The following CNTNAP4 variants were observed in gnomAD, a reference collection of about 807,000 sequenced individuals.
The protein encoded by CNTNAP4 is contactin-associated protein-like 4.
CNTNAP4 carries 98 observed loss-of-function variants against 148.4 expected under a neutral mutation model. That is an observed-to-expected ratio of 0.66 (90% CI 0.56 to 0.78). The LOEUF (loss-of-function observed/expected upper bound fraction) is 0.78, where lower values mean the gene tolerates loss of function less well. CNTNAP4 is among the 30% of genes least tolerant of loss of function. The pLI, the probability that CNTNAP4 is intolerant of heterozygous loss-of-function variation, is 0.00. For synonymous variants in CNTNAP4, 730 were observed against 565.1 expected, an observed-to-expected ratio of 1.29 and a Z score of -4.14; for missense variants, 1,935 against 1,565.6, an observed-to-expected ratio of 1.24 and a Z score of -3.98.
At chr16:76,288,225 G>A (rs950412683) in intron 1 of CNTNAP4, among the ~76,000 whole-genome samples, 5 of 151,972 alleles carry the variant, frequency 3.3e-5, no homozygotes, top group Non-Finnish European at 7.4e-5. Context: ...CATGTAAGAC[G>A]TGCCTGTTTT....
At chr16:76,352,074 G>T (rs76924189) in intron 2 of CNTNAP4, among the ~76,000 whole-genome samples, 2,704 of 152,212 alleles carry the variant, frequency 0.018, 74 homozygotes, top group African/African-American at 0.057. Context: ...TCCAAGTGTG[G>T]AATTTCCAGG....
At chr16:76,342,329 C>G (rs753801704) in intron 2 of CNTNAP4, among the ~76,000 whole-genome samples, 3 of 152,098 alleles carry the variant, frequency 2.0e-5, no homozygotes, top group Non-Finnish European at 4.4e-5. Flanking sequence ...CAATATTCTT[C>G]TTCTCAGTTA....
At chr16:76,322,912 G>T (rs6564318) in intron 2 of CNTNAP4, among the ~76,000 whole-genome samples, 5,871 of 151,276 alleles carry the variant, frequency 0.039, 384 homozygotes, top group African/African-American at 0.14. Context: ...CCAGCTCACT[G>T]CAACCTCTGC....
intron 3 of CNTNAP4, among the ~76,000 whole-genome samples, chr16:76,404,251 C>G (rs894539746): frequency 1.3e-5 from 2 of 150,086 alleles, no homozygotes; most frequent in African/African-American, 4.9e-5. Context: ...TGTAAATGCA[C>G]AAAGAAAAAA....
intron 21 of CNTNAP4, among the ~76,000 whole-genome samples, chr16:76,542,000 C>G (rs114060691): frequency 2.5e-4 from 38 of 152,220 alleles, no homozygotes; most frequent in African/African-American, 8.9e-4. Flanking sequence ...ATGTATATAG[C>G]CAATAACATA....
chr16:76,382,098 A>G (rs1462244201), intron 3 of CNTNAP4, among the ~76,000 whole-genome samples: 3 of 148,496 alleles, frequency 2.0e-5, no homozygotes, highest in Non-Finnish European at 4.5e-5. Flanking sequence ...AGAGAAAGTT[A>G]CCTTTATGAT....
intron 11 of CNTNAP4, among the ~76,000 whole-genome samples, chr16:76,477,502 C>G (rs1413980029): frequency 6.6e-6 from 1 of 152,176 alleles, no homozygotes; most frequent in Non-Finnish European, 1.5e-5. Context: ...GCTCCCAGCT[C>G]TGGGGGCCTG....
chr16:76,506,426 C>T (rs1183952381), intron 15 of CNTNAP4, among the ~76,000 whole-genome samples: 2 of 58,462 alleles, frequency 3.4e-5, no homozygotes, highest in African/African-American at 1.1e-4. Flanking sequence ...CTTCCTTCCT[C>T]CCTTCCCTTC....
chr16:76,443,161 A>G (rs570335089), intron 4 of CNTNAP4, among the ~76,000 whole-genome samples: 1 of 152,080 alleles, frequency 6.6e-6, no homozygotes, highest in South Asian at 2.1e-4. Flanking sequence ...AATATATAAA[A>G]CCTCAGTTAA....
intron 1 of CNTNAP4, among the ~76,000 whole-genome samples, chr16:76,310,777 ACTG>A (rs927233419): frequency 1.3e-5 from 2 of 152,086 alleles, no homozygotes; most frequent in African/African-American, 2.4e-5. Flanking sequence ...TAAGCTGAAT[ACTG>A]CTGAAAATCA....
At chr16:76,432,319 A>G (rs929703020) in intron 4 of CNTNAP4, among the ~76,000 whole-genome samples, 3 of 152,182 alleles carry the variant, frequency 2.0e-5, no homozygotes, top group Admixed American at 2.0e-4. Context: ...TAGGGCAGTA[A>G]CTTGTTATGA....
chr16:76,457,185 G>A (rs2080767873), intron 8 of CNTNAP4, among the ~76,000 whole-genome samples: 1 of 152,196 alleles, frequency 6.6e-6, no homozygotes, highest in African/African-American at 2.4e-5. Context: ...CCTTGAAAAG[G>A]GCCAACCTAT....
At chr16:76,480,302 G>C (rs934450832) in intron 12 of CNTNAP4, among the ~76,000 whole-genome samples, 1 of 151,954 alleles carries the variant, frequency 6.6e-6, no homozygotes, top group Non-Finnish European at 1.5e-5. Context: ...TTGTATATCA[G>C]CAATAAAAAT....
At position 76,553,884 on chromosome 16, in the gene CNTNAP4, A is replaced by G. The variant is rs1164110055; in HGVS notation, c.3710A>G (p.Lys1237Arg). ...AGAGAGCCCCTTGCTAATGCAATCA[A>G]AAGTGACTCTGCAGTAATTGGAGGT... ...DDREPLANAI[K>R]SDSAVIGGLI... The change falls in exon 23 of 24, where the codon AAA (lysine) becomes AGA (arginine). Residue 1237 changes from lysine to arginine, a missense_variant. Transcript: ENST00000611870. 6 of 1,610,132 alleles carry G rather than the reference A, an allele frequency of 3.7e-6. No individual in the cohort carries two copies. Among genetic ancestry groups the G allele is most frequent in the Non-Finnish European group, 5.1e-6 (6 of 1,176,746 alleles).
rs147318151 is a variant in CNTNAP4, at chr16:76,283,418, A to G, written c.85+5671A>G. On this transcript the variant is annotated intron_variant, in intron 1 of 23. Coordinates refer to ENST00000611870, the MANE Select transcript of CNTNAP4 (RefSeq NM_033401.5). Reference sequence around the variant, plus strand: ...AGACATGGAATCAACCTAAGTGCCCATTAGTGATAGACTGGATAAAGAAAA... The same window carrying G: ...AGACATGGAATCAACCTAAGTGCCCGTTAGTGATAGACTGGATAAAGAAAA... Among the ~76,000 whole-genome samples the G allele has an allele frequency of 1.9e-3, 289 of 152,132 alleles. 2 individuals are homozygous for G. Among genetic ancestry groups the G allele is most frequent in the African/African-American group, 6.0e-3 (250 of 41,532 alleles).
chr16:76,357,401 C>T (rs1271885122), intron 3 of CNTNAP4, among the ~76,000 whole-genome samples: 2 of 152,152 alleles, frequency 1.3e-5, no homozygotes, highest in African/African-American at 4.8e-5. Flanking sequence ...TGCCATTTAC[C>T]TTACTTGCTT....
At chr16:76,381,352 C>T (rs1361289877) in intron 3 of CNTNAP4, among the ~76,000 whole-genome samples, 1 of 152,114 alleles carries the variant, frequency 6.6e-6, no homozygotes, top group African/African-American at 2.4e-5. Flanking sequence ...CCCTCCCACC[C>T]CAGTGTTTTC....
intron 12 of CNTNAP4, among the ~76,000 whole-genome samples, chr16:76,482,744 C>T (rs547410767): frequency 8.5e-5 from 13 of 152,326 alleles, no homozygotes; most frequent in African/African-American, 3.1e-4. Context: ...CAATGAAGCT[C>T]TCCCGCCTGT....
At chr16:76,332,551 A>T (rs1034984995) in intron 2 of CNTNAP4, among the ~76,000 whole-genome samples, 1 of 151,902 alleles carries the variant, frequency 6.6e-6, no homozygotes. Flanking sequence ...TTTTTTTATA[A>T]TTCACTTTTT....
Sources: gnomAD v4.1 joint callset for allele counts (sites outside exome capture counted in the v4.1 genomes callset) on GRCh38, gnomAD v4.1.1 for gene constraint, MANE v1.5 for transcripts, NCBI Gene and HGNC (gene_info 2026-07-23, HGNC 2026-07-21) for gene names.